Variants in HHAT observed in about 807,000 individuals in gnomAD.
HHAT encodes protein-cysteine N-palmitoyltransferase HHAT.
A neutral mutation model predicts 70.8 loss-of-function variants in HHAT; 47 were observed. The ratio of observed to expected loss-of-function variants is 0.66; its 90% CI spans 0.53 to 0.85. The LOEUF (loss-of-function observed/expected upper bound fraction) is 0.85. Among genes scored for constraint, HHAT ranks in the 40% least tolerant of loss-of-function variants. The pLI, the probability that HHAT is intolerant of heterozygous loss-of-function variation, is 0.00. For missense variants in HHAT, 609 were observed against 604.8 expected, an observed-to-expected ratio of 1.01 and a Z score of -0.07; for synonymous variants, 228 against 247.6, an observed-to-expected ratio of 0.92 and a Z score of 0.74.
At chr1:210,670,445 C>T (rs1245877799) in intron 11 of HHAT, among the ~76,000 whole-genome samples, 1 of 152,176 alleles carries the variant, frequency 6.6e-6, no homozygotes, top group Non-Finnish European at 1.5e-5. Context: ...GTCCCCTTGC[C>T]TGTGTGTCTG....
At chr1:210,387,604 C>A (rs1558413720) in intron 4 of HHAT, 23 bp downstream of exon 4, 2 of 1,564,696 alleles carry the variant, frequency 1.3e-6, no homozygotes, top group Admixed American at 1.7e-5. Flanking sequence ...GTGTTGTTAC[C>A]TTTTAAGTGT....
chr1:210,327,799 C>T (rs1282482327), upstream of HHAT, among the ~76,000 whole-genome samples: 3 of 152,126 alleles, frequency 2.0e-5, no homozygotes, highest in African/African-American at 7.2e-5. Context: ...GCCACCGCGC[C>T]CAGCCTGAAA....
intron 6 of HHAT, among the ~76,000 whole-genome samples, chr1:210,414,793 G>A (rs1477085689): frequency 9.2e-5 from 14 of 152,124 alleles, no homozygotes; most frequent in African/African-American, 2.4e-4. Context: ...CGAGGTGGGC[G>A]GATCACTGGA....
intron 7 of HHAT, among the ~76,000 whole-genome samples, chr1:210,459,459 C>A (rs1166271713): frequency 6.6e-6 from 1 of 152,108 alleles, no homozygotes; most frequent in Admixed American, 6.5e-5. Flanking sequence ...TCTTAAGGAA[C>A]CTACGGTCTT....
At chr1:210,630,714 G>T (rs1462572487) in intron 11 of HHAT, among the ~76,000 whole-genome samples, 1 of 152,182 alleles carries the variant, frequency 6.6e-6, no homozygotes, top group Non-Finnish European at 1.5e-5. Context: ...TGCGACCCAG[G>T]ACTCGCCAGG....
At chr1:210,347,483 A>G (rs1310609621) in intron 1 of HHAT, among the ~76,000 whole-genome samples, 1 of 152,216 alleles carries the variant, frequency 6.6e-6, no homozygotes, top group African/African-American at 2.4e-5. Flanking sequence ...GGCATCCACA[A>G]TGAGACATAC....
chr1:210,584,566 G>A (rs567891293), intron 9 of HHAT, among the ~76,000 whole-genome samples: 2 of 152,218 alleles, frequency 1.3e-5, no homozygotes, highest in East Asian at 1.9e-4. Context: ...GCAGAACACC[G>A]GATAAGACTA....
At chr1:210,410,530 T>G (rs1346164134) in intron 6 of HHAT, among the ~76,000 whole-genome samples, 1 of 114,368 alleles carries the variant, frequency 8.7e-6, no homozygotes, top group African/African-American at 2.7e-5. Flanking sequence ...TAAATTTTTT[T>G]TTTTTTTTTT....
At chr1:210,410,355 C>T (rs530384932) in intron 6 of HHAT, among the ~76,000 whole-genome samples, 7 of 145,840 alleles carry the variant, frequency 4.8e-5, no homozygotes, top group African/African-American at 1.3e-4. Context: ...CATGCCTGGC[C>T]GGATTTTTTA....
At chr1:210,330,677 A>G (rs2084909057) in intron 1 of HHAT, among the ~76,000 whole-genome samples, 1 of 152,212 alleles carries the variant, frequency 6.6e-6, no homozygotes, top group African/African-American at 2.4e-5. Flanking sequence ...CTTCCAGCTT[A>G]GGACCTGGCC....
At chr1:210,417,680 C>T (rs1296100448) in intron 6 of HHAT, among the ~76,000 whole-genome samples, 2 of 152,226 alleles carry the variant, frequency 1.3e-5, no homozygotes, top group African/African-American at 4.8e-5. Context: ...TTCCCTTGCT[C>T]TCAGCCCATC....
intron 8 of HHAT, among the ~76,000 whole-genome samples, chr1:210,476,799 CT>C (rs78002736): frequency 0.17 from 26,130 of 152,120 alleles, 2,431 homozygotes; most frequent in East Asian, 0.43. Context: ...CTCCTGGGAG[CT>C]TGTTAGAAAT....
Position 210,405,335 on chromosome 1 carries a change from C to CT in HHAT, c.684+664dup, listed in dbSNP as rs35572015. Among the ~76,000 whole-genome samples, 946 of 151,984 alleles carry CT rather than the reference C, an allele frequency of 6.2e-3. 7 individuals carry two copies. Among genetic ancestry groups the CT allele is most frequent in the African/African-American group, 0.022 (902 of 41,448 alleles). On this transcript the variant is annotated intron_variant, in intron 6 of 11. Coordinates refer to ENST00000261458, the MANE Select transcript of HHAT (RefSeq NM_018194.6). ...ACTTTTCCCCCTTGTTTAGAACTTT[C>CT]TTTTTTTTCTGCCTCCTCAACCTAC...
intron 7 of HHAT, among the ~76,000 whole-genome samples, chr1:210,457,151 A>G (rs2093886498): frequency 6.6e-6 from 1 of 152,108 alleles, no homozygotes; most frequent in Non-Finnish European, 1.5e-5. Context: ...TCAGGACATT[A>G]GTTTCTCTTC....
At chr1:210,630,930 T>A in intron 11 of HHAT, 1 of 403,026 alleles carries the variant, frequency 2.5e-6, no homozygotes, top group South Asian at 1.9e-5. Context: ...ACTGAAGCCA[T>A]ATAATTTTGA....
At chr1:210,530,815 T>C (rs1193911803) in intron 9 of HHAT, among the ~76,000 whole-genome samples, 1 of 152,150 alleles carries the variant, frequency 6.6e-6, no homozygotes, top group Non-Finnish European at 1.5e-5. Context: ...TCTGGTACAA[T>C]AATCTAGTCA....
At chr1:210,590,377 A>G (rs916074700) in intron 10 of HHAT, 1 of 152,028 alleles carries the variant, frequency 6.6e-6, no homozygotes, top group African/African-American at 2.4e-5. Flanking sequence ...TCACATCCTC[A>G]GTAGTATTCA....
chr1:210,496,226 TG>T (rs1381957908), intron 8 of HHAT, among the ~76,000 whole-genome samples: 3 of 152,126 alleles, frequency 2.0e-5, no homozygotes, highest in African/African-American at 7.2e-5. Flanking sequence ...AAGGCCTCGC[TG>T]GGCTGATCCT....
chr1:210,533,580 G>A (rs1030667655), intron 9 of HHAT, among the ~76,000 whole-genome samples: 32 of 152,174 alleles, frequency 2.1e-4, no homozygotes, highest in Admixed American at 2.1e-3. Context: ...GTCTGTAAGA[G>A]CTTCTCCATC....
Sources: gnomAD v4.1 joint callset for allele counts (sites outside exome capture counted in the v4.1 genomes callset) on GRCh38, gnomAD v4.1.1 for gene constraint, MANE v1.5 for transcripts, NCBI Gene and HGNC (gene_info 2026-07-23, HGNC 2026-07-21) for gene names.